LRRC37A2: variants seen among roughly 807,000 people sequenced by gnomAD.
The protein encoded by LRRC37A2 is leucine-rich repeat-containing protein 37A2.
A neutral mutation model predicts 68.8 loss-of-function variants in LRRC37A2; 9 were observed. The ratio of observed to expected loss-of-function variants is 0.13; its 90% confidence interval spans 0.08 to 0.23. The LOEUF is 0.23. Among genes scored for constraint, LRRC37A2 ranks in the 10% least tolerant of loss-of-function variants. LRRC37A2 has a pLI of 1.00. For missense variants in LRRC37A2, 168 were observed against 950.4 expected, an observed-to-expected ratio of 0.18 and a Z score of 10.82; for synonymous variants, 63 against 367.6, an observed-to-expected ratio of 0.17 and a Z score of 9.48.
intron 8 of LRRC37A2, among the ~76,000 whole-genome samples, chr17:46,545,364 T>G (rs1295545257): frequency 1.4e-5 from 2 of 138,074 alleles, no homozygotes; most frequent in African/African-American, 6.0e-5. Flanking sequence ...ATTTGGAGGA[T>G]CCCTTGAGCC....
At chr17:47,008,302 G>A in the LRRC37A2 span, among the ~76,000 whole-genome samples, 1 of 150,894 alleles carries the variant, frequency 6.6e-6, no homozygotes, top group Non-Finnish European at 1.5e-5. Context: ...TAGTAGAGAC[G>A]GGGTTTCACC....
the LRRC37A2 span, among the ~76,000 whole-genome samples, chr17:46,943,688 C>G: frequency 2.6e-5 from 4 of 152,240 alleles, no homozygotes; most frequent in African/African-American, 9.6e-5. Flanking sequence ...GCCAGCAAAG[C>G]TGTTGCAGCC....
At chr17:46,713,960 A>C in the LRRC37A2 span, 11 of 1,605,856 alleles carry the variant, frequency 6.8e-6, no homozygotes, top group Non-Finnish European at 9.3e-6. Context: ...CTTTTCTGAA[A>C]CAGCCAAATG....
At chr17:46,873,836 A>G in the LRRC37A2 span, among the ~76,000 whole-genome samples, 4 of 152,184 alleles carry the variant, frequency 2.6e-5, no homozygotes, top group South Asian at 8.3e-4. Flanking sequence ...CTAAAAATAC[A>G]AAAATTAGCT....
chr17:46,886,447 C>T, the LRRC37A2 span: 4 of 152,184 alleles, frequency 2.6e-5, no homozygotes, highest in African/African-American at 7.2e-5. Flanking sequence ...TGGAGTCACT[C>T]ATGCTAAATG....
the LRRC37A2 span, among the ~76,000 whole-genome samples, chr17:46,866,505 AG>A: frequency 6.6e-6 from 1 of 151,930 alleles, no homozygotes; most frequent in African/African-American, 2.4e-5. Context: ...GGGATCAGTG[AG>A]GGCCAGGAGA....
At chr17:46,742,246 G>A in the LRRC37A2 span, among the ~76,000 whole-genome samples, 1 of 152,154 alleles carries the variant, frequency 6.6e-6, no homozygotes, top group Admixed American at 6.5e-5. Flanking sequence ...ATCAACACTT[G>A]GGGCTCAGAG....
chr17:46,893,367 G>A, the LRRC37A2 span, among the ~76,000 whole-genome samples: 4 of 152,106 alleles, frequency 2.6e-5, no homozygotes, highest in Non-Finnish European at 5.9e-5. Context: ...GGTCCTTTAT[G>A]GACTTCTGAT....
the LRRC37A2 span, among the ~76,000 whole-genome samples, chr17:46,500,691 TTG>T: frequency 3.3e-5 from 5 of 151,232 alleles, no homozygotes; most frequent in Non-Finnish European, 5.9e-5. Flanking sequence ...AGGTTGTTTT[TTG>T]TTTTTTTCTT....
At chr17:46,377,651 C>T in the LRRC37A2 span, among the ~76,000 whole-genome samples, 2 of 61,280 alleles carry the variant, frequency 3.3e-5, no homozygotes, top group Admixed American at 1.4e-4. Flanking sequence ...CTCACTGCAA[C>T]CTCTGCCTCC....
chr17:46,534,273 T>C (rs1470313446), intron 6 of LRRC37A2, among the ~76,000 whole-genome samples: 2 of 142,446 alleles, frequency 1.4e-5, no homozygotes, highest in Non-Finnish European at 3.0e-5. Flanking sequence ...CATAGGACAA[T>C]AGTGGAGGGA....
chr17:46,519,159 CTGGAG>C (rs2051882151), intron 3 of LRRC37A2, among the ~76,000 whole-genome samples: 1 of 148,322 alleles, frequency 6.7e-6, no homozygotes, highest in African/African-American at 2.6e-5. Context: ...GTTGCCCAGG[CTGGAG>C]TGCAATGGTG....
the LRRC37A2 span, chr17:47,042,168 G>T: frequency 6.9e-6 from 1 of 145,014 alleles, no homozygotes; most frequent in Non-Finnish European, 1.5e-5. Context: ...ATTTAATCAT[G>T]GGAAATGATT....
chr17:46,894,714 CT>C, the LRRC37A2 span, among the ~76,000 whole-genome samples: 20 of 152,224 alleles, frequency 1.3e-4, no homozygotes, highest in African/African-American at 4.8e-4. Context: ...GACGAGCTCA[CT>C]CCCCCCACCT....
chr17:47,024,357 T>C, the LRRC37A2 span, among the ~76,000 whole-genome samples: 2 of 151,986 alleles, frequency 1.3e-5, no homozygotes, highest in Admixed American at 1.3e-4. Context: ...GAGGAGGAAA[T>C]GGAGGTTCTG....
At chr17:47,011,607 T>C in the LRRC37A2 span, among the ~76,000 whole-genome samples, 62 of 150,610 alleles carry the variant, frequency 4.1e-4, no homozygotes, top group African/African-American at 1.5e-3. Flanking sequence ...GGTCTTGGTA[T>C]GTTTCCAAGG....
chr17:46,456,165 A>G, the LRRC37A2 span, among the ~76,000 whole-genome samples: 1 of 110,072 alleles, frequency 9.1e-6, no homozygotes, highest in Non-Finnish European at 2.0e-5. Context: ...GTAGCAAAAG[A>G]TGTGACTTCG....
chr17:46,978,925 C>T, the LRRC37A2 span: 2 of 1,461,984 alleles, frequency 1.4e-6, no homozygotes, highest in Non-Finnish European at 1.8e-6. Context: ...CCCGTGGGTG[C>T]GGTTTCCCAG....
At chr17:47,000,052 ATAAAATAAAAT>A in the LRRC37A2 span, among the ~76,000 whole-genome samples, 7 of 30,812 alleles carry the variant, frequency 2.3e-4, no homozygotes, top group East Asian at 0.017. Context: ...ATAAAATAAA[ATAAAATAAAAT>A]TAAAATAAAA....
Sources: gnomAD v4.1 joint callset for allele counts (sites outside exome capture counted in the v4.1 genomes callset) on GRCh38, gnomAD v4.1.1 for gene constraint, MANE v1.5 for transcripts, NCBI Gene and HGNC (gene_info 2026-07-23, HGNC 2026-07-21) for gene names.